Variants in TMEM132C observed in about 807,000 individuals in gnomAD.
The protein encoded by TMEM132C is protein phosphatase 1, regulatory subunit 152.
Under a neutral mutation model 61.4 loss-of-function variants are expected in TMEM132C, and 29 were observed. The ratio of observed to expected loss-of-function variants is 0.47; its 90% CI spans 0.35 to 0.64. The LOEUF (loss-of-function observed/expected upper bound fraction) is 0.64, where lower values mean the gene tolerates loss of function less well. Ranked by LOEUF, TMEM132C falls within the 30% of genes least tolerant of loss-of-function variation. The pLI, the probability that TMEM132C is intolerant of heterozygous loss-of-function variation, is 0.00. For synonymous variants in TMEM132C, 656 were observed against 633.1 expected, an observed-to-expected ratio of 1.04 and a Z score of -0.54; for missense variants, 1,408 against 1,476.9, an observed-to-expected ratio of 0.95 and a Z score of 0.76.
intron 4 of TMEM132C, among the ~76,000 whole-genome samples, chr12:128,659,704 T>A (rs776057646): frequency 5.7e-4 from 87 of 152,210 alleles, no homozygotes; most frequent in Non-Finnish European, 8.4e-4. Context: ...CGTCCTTAAG[T>A]GTCCTTGGAT....
chr12:128,684,279 G>T (rs1341692873), intron 5 of TMEM132C, among the ~76,000 whole-genome samples: 3 of 151,548 alleles, frequency 2.0e-5, no homozygotes, highest in African/African-American at 7.3e-5. Context: ...AGAAAGTATT[G>T]GTTGAAAGAA....
At chr12:128,581,316 C>A (rs1355209042) in intron 3 of TMEM132C, among the ~76,000 whole-genome samples, 6 of 151,562 alleles carry the variant, frequency 4.0e-5, no homozygotes, top group Non-Finnish European at 2.9e-5. Context: ...ATTTGCAAAT[C>A]ACAGTGAGTT....
intron 1 of TMEM132C, among the ~76,000 whole-genome samples, chr12:128,350,202 T>C (rs1416761903): frequency 5.3e-5 from 8 of 152,340 alleles, no homozygotes; most frequent in African/African-American, 1.9e-4. Flanking sequence ...AAACGTCTAT[T>C]TTTTTTCTTA....
At chr12:128,420,397 T>G (rs1371632522) in intron 2 of TMEM132C, among the ~76,000 whole-genome samples, 1 of 152,104 alleles carries the variant, frequency 6.6e-6, no homozygotes, top group African/African-American at 2.4e-5. Context: ...CTGGGGATGC[T>G]TGCTTGGTTT....
intron 1 of TMEM132C, among the ~76,000 whole-genome samples, chr12:128,293,255 G>A (rs1429673090): frequency 1.3e-5 from 2 of 152,078 alleles, no homozygotes; most frequent in East Asian, 1.9e-4. Context: ...TAATCTCAGG[G>A]GGCCGTTTCA....
chr12:128,291,867 G>A (rs541586885), intron 1 of TMEM132C, among the ~76,000 whole-genome samples: 1 of 152,304 alleles, frequency 6.6e-6, no homozygotes, highest in South Asian at 2.1e-4. Context: ...TCCTTTTCTT[G>A]CTTTTCTTCC....
chr12:128,531,295 A>G (rs545091675), intron 2 of TMEM132C, among the ~76,000 whole-genome samples: 3 of 152,342 alleles, frequency 2.0e-5, no homozygotes, highest in African/African-American at 7.2e-5. Context: ...GATCAAAGTA[A>G]ATGGTAAAAG....
At chr12:128,553,686 T>TTCCCCCCA (rs1234312160) in intron 3 of TMEM132C, among the ~76,000 whole-genome samples, 1 of 152,216 alleles carries the variant, frequency 6.6e-6, no homozygotes, top group Non-Finnish European at 1.5e-5. Flanking sequence ...GCACTGCCTT[T>TTCCCCCCA]TCCCCCCATT....
chr12:128,274,833 G>A (rs974793661), intron 1 of TMEM132C, among the ~76,000 whole-genome samples: 1 of 152,198 alleles, frequency 6.6e-6, no homozygotes, highest in African/African-American at 2.4e-5. Context: ...TGGAGTAGGG[G>A]TGGGTGTGGA....
intron 3 of TMEM132C, among the ~76,000 whole-genome samples, chr12:128,553,223 G>T (rs1405225776): frequency 1.3e-5 from 2 of 152,204 alleles, no homozygotes; most frequent in Non-Finnish European, 2.9e-5. Flanking sequence ...CACATTCAAA[G>T]CTGTCCTGGG....
intron 3 of TMEM132C, among the ~76,000 whole-genome samples, chr12:128,547,902 T>A (rs1057252809): frequency 3.3e-5 from 5 of 152,162 alleles, no homozygotes; most frequent in Non-Finnish European, 5.9e-5. Flanking sequence ...CAAGTCTAAC[T>A]AAAAGTGGTG....
chr12:128,371,466 G>T (rs1032978318), intron 1 of TMEM132C, among the ~76,000 whole-genome samples: 2 of 152,178 alleles, frequency 1.3e-5, no homozygotes, highest in Non-Finnish European at 2.9e-5. Flanking sequence ...GCTTCTGTTG[G>T]CTCTGTTGAG....
rs202002692 is a variant in TMEM132C, at chr12:128,669,593, G to A, written c.1449+33G>A. 3.4e-5 allele frequency: 53 copies of A among 1,546,102 alleles called. No individual in the cohort carries two copies. The Middle Eastern group carries it at 1.0e-3, about 30-fold the overall frequency. ...ATTCCACAGCCAGCTGGATGGAACC[G>A]GTGGGAACTTCACTTGGACATCCCG... On this transcript the variant is annotated intron_variant, in intron 5 of 8. Transcript: ENST00000435159.
At chr12:128,362,807 G>A (rs762727900) in intron 1 of TMEM132C, among the ~76,000 whole-genome samples, 1 of 152,214 alleles carries the variant, frequency 6.6e-6, no homozygotes, top group Non-Finnish European at 1.5e-5. Flanking sequence ...TTTATGAAGT[G>A]AGTCTGCAAA....
At chr12:128,469,053 C>T (rs1053671348) in intron 2 of TMEM132C, among the ~76,000 whole-genome samples, 3 of 152,144 alleles carry the variant, frequency 2.0e-5, no homozygotes, top group Non-Finnish European at 4.4e-5. Flanking sequence ...AGCAACCATA[C>T]CGCTTGGTTG....
At chr12:128,513,270 G>A (rs1020531216) in intron 2 of TMEM132C, among the ~76,000 whole-genome samples, 4 of 152,108 alleles carry the variant, frequency 2.6e-5, no homozygotes, top group African/African-American at 7.2e-5. Flanking sequence ...TGGCTGCGGG[G>A]TGTCAGTATG....
At position 128,391,450 on chromosome 12, in the gene TMEM132C, A is replaced by G. The variant is rs974673371; in HGVS notation, c.86-23282A>G. Among the ~76,000 whole-genome samples, 23 of 152,298 alleles carry G rather than the reference A, an allele frequency of 1.5e-4. 1 individual carries two copies. Among genetic ancestry groups the G allele is most frequent in the Non-Finnish European group, 1.2e-4 (8 of 68,026 alleles). On this transcript the variant is annotated intron_variant, in intron 1 of 8. Coordinates refer to ENST00000435159, the MANE Select transcript of TMEM132C (RefSeq NM_001136103.3). ...TATTCCCCTCAGGAAAGGTACCTTCAATATCCATCAGCTTTCCCCGAGGAC... is the reference window on the plus strand; with the variant it reads ...TATTCCCCTCAGGAAAGGTACCTTCGATATCCATCAGCTTTCCCCGAGGAC...
At chr12:128,412,957 T>G (rs1335499769) in intron 1 of TMEM132C, among the ~76,000 whole-genome samples, 1 of 152,114 alleles carries the variant, frequency 6.6e-6, no homozygotes, top group Non-Finnish European at 1.5e-5. Context: ...ATTCAGCCAT[T>G]TTTCTGCATA....
intron 1 of TMEM132C, among the ~76,000 whole-genome samples, chr12:128,347,772 A>T (rs1209985796): frequency 6.6e-6 from 1 of 152,208 alleles, no homozygotes; most frequent in Admixed American, 6.5e-5. Flanking sequence ...CTTTGGGTAG[A>T]TACCCATTCA....
Sources: allele counts gnomAD v4.1 joint callset (sites outside exome capture counted in the v4.1 genomes callset), GRCh38; gene constraint gnomAD v4.1.1; transcripts MANE v1.5; gene names NCBI Gene and HGNC (gene_info 2026-07-23, HGNC 2026-07-21).